The following ADAMTS6 variants were observed in gnomAD, a reference collection of about 807,000 sequenced individuals.
ADAMTS6 encodes A disintegrin and metalloproteinase with thrombospondin motifs 6.
In ADAMTS6, 23 loss-of-function variants were observed where a neutral mutation model predicts 144.3. That is an observed-to-expected ratio of 0.16 (90% CI 0.11 to 0.23). The LOEUF is 0.23. Ranked by LOEUF, ADAMTS6 falls within the 10% of genes least tolerant of loss-of-function variation. The pLI is 1.00. For synonymous variants in ADAMTS6, 444 were observed against 457.5 expected (o/e 0.97, Z 0.38); for missense variants, 999 against 1,379.6 (o/e 0.72, Z 4.37).
chr5:65,172,038 T>C lies in ADAMTS6; in HGVS notation c.3087+794A>G, dbSNP rs72758888. Reference sequence around the variant, plus strand: ...TGGTGATGTTTACAGGGTCAACACATTGAAGCCCTGTTGGATTTGTTTGCA... The same window carrying C: ...TGGTGATGTTTACAGGGTCAACACACTGAAGCCCTGTTGGATTTGTTTGCA... On this transcript the variant is annotated intron_variant, in intron 23 of 24. Coordinates refer to ENST00000381055, the MANE Select transcript of ADAMTS6 (RefSeq NM_197941.4). Among the ~76,000 whole-genome samples, 967 of 104,508 alleles carry C rather than the reference T, an allele frequency of 9.3e-3. 6 individuals carry two copies. The highest frequency in any genetic ancestry group is 0.017 in the Middle Eastern group (3 of 176). 68.6% of individuals were successfully genotyped at this position (104,508 alleles called of 152,430 possible).
chr5:65,397,303 T>C (rs1010738619), intron 7 of ADAMTS6, among the ~76,000 whole-genome samples: 3 of 152,204 alleles, frequency 2.0e-5, no homozygotes, highest in African/African-American at 7.2e-5. Flanking sequence ...CTTCCTGTTT[T>C]CAAATTTATT....
intron 4 of ADAMTS6, among the ~76,000 whole-genome samples, chr5:65,457,637 T>A (rs2150258948): frequency 6.6e-6 from 1 of 152,212 alleles, no homozygotes; most frequent in Middle Eastern, 3.4e-3. Flanking sequence ...CAAAAGGTGA[T>A]CTTCTTTACA....
chr5:65,342,138 T>C (rs548103831), intron 7 of ADAMTS6, among the ~76,000 whole-genome samples: 8 of 152,210 alleles, frequency 5.3e-5, no homozygotes, highest in Admixed American at 2.6e-4. Context: ...TAAAATTCAA[T>C]ATTGTTTAAT....
rs777322395 is a variant in ADAMTS6, at chr5:65,291,440, C to G, written c.1401G>C (p.Glu467Asp). Residue 467 changes from glutamate (E) to aspartate (D), a missense_variant, in exon 11 of 25, where the codon GAG becomes GAC. By Grantham distance (45) the Glu-to-Asp change is conservative. Around this residue, in one of 3 missense-constraint regions of ADAMTS6, gnomAD observed 619 missense variants for 837.0 expected, o/e 0.74. Coordinates refer to ENST00000381055, the MANE Select transcript of ADAMTS6 (RefSeq NM_197941.4). ...GATAAAGAAAGTCACGCTTGGGAGGCTCATTATCAAGGCAAGTACCACGGC... is the reference window on the plus strand; with the variant it reads ...GATAAAGAAAGTCACGCTTGGGAGGGTCATTATCAAGGCAAGTACCACGGC... ...DSGRGTCLDN[E>D]PPKRDFLYPA... The G allele has an allele frequency of 3.1e-6, 5 of 1,613,774 alleles. No homozygotes were observed. The highest frequency in any genetic ancestry group is 4.2e-6 in the Non-Finnish European group (5 of 1,179,840).
At chr5:65,329,558 C>G in intron 8 of ADAMTS6, 75 bp from the exon 9 acceptor site, 3 of 1,296,646 alleles carry the variant, frequency 2.3e-6, no homozygotes, top group Non-Finnish European at 1.1e-6. Context: ...TTATAAATGC[C>G]TGGATTCTTT....
intron 9 of ADAMTS6, among the ~76,000 whole-genome samples, chr5:65,316,147 G>A (rs1443709253): frequency 1.3e-5 from 2 of 152,052 alleles, no homozygotes. Context: ...CCTGAGCTCA[G>A]GCAATCCGCC....
intron 1 of ADAMTS6, among the ~76,000 whole-genome samples, chr5:65,480,215 TA>T (rs546360449): frequency 5.9e-4 from 90 of 152,246 alleles, no homozygotes; most frequent in Middle Eastern, 3.4e-3. Context: ...CACTTGAACA[TA>T]AAAAGAACAT....
At chr5:65,460,446 T>G in intron 3 of ADAMTS6, 108 bp from the exon 4 acceptor site, 8 of 958,046 alleles carry the variant, frequency 8.4e-6, no homozygotes, top group East Asian at 2.6e-5. Context: ...TTTACAGGGT[T>G]AAAACACGTT....
At chr5:65,235,297 G>A (rs545330918) in intron 15 of ADAMTS6, among the ~76,000 whole-genome samples, 3 of 152,250 alleles carry the variant, frequency 2.0e-5, no homozygotes, top group African/African-American at 7.2e-5. Flanking sequence ...CAGCATATAT[G>A]TATATCAAAA....
Position 65,461,254 on chromosome 5 carries a change from C to T in ADAMTS6, c.463-916G>A, listed in dbSNP as rs539501482. ...TCAGTATCACTTATTTTCAATTAAT[C>T]CCACACTGCTTTGTTACATCTCAAG... On this transcript the variant is annotated intron_variant, in intron 3 of 24. Transcript: ENST00000381055. Among the ~76,000 whole-genome samples the T allele has an allele frequency of 1.9e-3, 283 of 152,312 alleles. 1 individual carries two copies. Among genetic ancestry groups the T allele is most frequent in the Admixed American group, 5.8e-3 (88 of 15,304 alleles).
At chr5:65,217,968 C>G (rs1757052170) in intron 18 of ADAMTS6, among the ~76,000 whole-genome samples, 1 of 152,164 alleles carries the variant, frequency 6.6e-6, no homozygotes, top group Non-Finnish European at 1.5e-5. Flanking sequence ...ATCTCCACAA[C>G]TTTCTGCTTG....
At chr5:65,298,791 GT>G (rs1213863877) in intron 10 of ADAMTS6, among the ~76,000 whole-genome samples, 1 of 151,902 alleles carries the variant, frequency 6.6e-6, no homozygotes, top group African/African-American at 2.4e-5. Flanking sequence ...CTTTTGATTT[GT>G]TTTTTAATAA....
intron 12 of ADAMTS6, among the ~76,000 whole-genome samples, 162 bp from the exon 13 acceptor site, chr5:65,263,124 T>C (rs558316521): frequency 6.6e-6 from 1 of 152,318 alleles, no homozygotes; most frequent in South Asian, 2.1e-4. Flanking sequence ...CTGGTGAATG[T>C]GCATGTGACT....
chr5:65,310,618 C>A (rs141334408), intron 9 of ADAMTS6, among the ~76,000 whole-genome samples: 245 of 152,240 alleles, frequency 1.6e-3, no homozygotes, highest in African/African-American at 5.6e-3. Flanking sequence ...ACCTATTTTG[C>A]ACACTAAATC....
chr5:65,338,522 C>T (rs1290408661), intron 7 of ADAMTS6, among the ~76,000 whole-genome samples: 1 of 152,232 alleles, frequency 6.6e-6, no homozygotes, highest in Non-Finnish European at 1.5e-5. Flanking sequence ...TTTAAGATCT[C>T]CAAAATATAG....
chr5:65,248,388 C>G (rs1368112587), intron 14 of ADAMTS6, among the ~76,000 whole-genome samples: 1 of 152,054 alleles, frequency 6.6e-6, no homozygotes, highest in Non-Finnish European at 1.5e-5. Context: ...ATGCTTGATA[C>G]TATAATCTTC....
At chr5:65,168,776 C>A (rs57267292) in intron 24 of ADAMTS6, among the ~76,000 whole-genome samples, 3,829 of 146,606 alleles carry the variant, frequency 0.026, 170 homozygotes, top group African/African-American at 0.087. Context: ...GAAAAACAAG[C>A]AATGGGGAAA....
chr5:65,178,438 A>C (rs1754118449), intron 22 of ADAMTS6, among the ~76,000 whole-genome samples: 1 of 152,234 alleles, frequency 6.6e-6, no homozygotes, highest in Non-Finnish European at 1.5e-5. Context: ...TACATCTATT[A>C]TAACCAATAG....
chr5:65,362,452 G>C (rs1238059051), intron 7 of ADAMTS6, among the ~76,000 whole-genome samples: 2 of 152,114 alleles, frequency 1.3e-5, no homozygotes, highest in Non-Finnish European at 2.9e-5. Context: ...GTTTTGACCA[G>C]AGACAATTTT....
Sources: allele counts gnomAD v4.1 joint callset (sites outside exome capture counted in the v4.1 genomes callset), GRCh38; gene constraint gnomAD v4.1.1; regional missense constraint gnomAD v4.1.1; transcripts MANE v1.5; gene names NCBI Gene and HGNC (gene_info 2026-07-23, HGNC 2026-07-21).